Variants in CERT1 observed in about 807,000 individuals in gnomAD.
CERT1 encodes the protein ceramide transfer protein.
A neutral mutation model predicts 87.9 loss-of-function variants in CERT1; 31 were observed. That is an observed-to-expected ratio of 0.35 (90% confidence interval 0.27 to 0.48). The LOEUF is 0.48. CERT1 is among the 20% of genes least tolerant of loss of function. CERT1 has a pLI of 0.99. For missense variants in CERT1, 487 were observed against 758.0 expected, an observed-to-expected ratio of 0.64 and a Z score of 4.20; for synonymous variants, 289 against 250.9, an observed-to-expected ratio of 1.15 and a Z score of -1.44.
At chr5:75,492,671 A>G (rs1284483102) in intron 2 of CERT1, among the ~76,000 whole-genome samples, 1 of 152,174 alleles carries the variant, frequency 6.6e-6, no homozygotes, top group Non-Finnish European at 1.5e-5. Context: ...TTGAACTTTT[A>G]CATCGATTGT....
intron 11 of CERT1, among the ~76,000 whole-genome samples, chr5:75,398,112 T>C (rs2112073461): frequency 6.6e-6 from 1 of 152,328 alleles, no homozygotes; most frequent in South Asian, 2.1e-4. Context: ...TGATTTCTGA[T>C]CCAGAATTGC....
At chr5:75,484,444 C>A in intron 2 of CERT1, among the ~76,000 whole-genome samples, 1 of 148,624 alleles carries the variant, frequency 6.7e-6, no homozygotes, top group African/African-American at 2.5e-5. Flanking sequence ...AATCAAAAGA[C>A]AGAGTGACTG....
At chr5:75,474,012 C>G (rs111808593) in intron 2 of CERT1, among the ~76,000 whole-genome samples, 1 of 152,132 alleles carries the variant, frequency 6.6e-6, no homozygotes, top group African/African-American at 2.4e-5. Context: ...GGAAGTAAAA[C>G]CAAAGACAGG....
downstream of CERT1, chr5:75,374,144 TTTC>T (rs1761190030): frequency 2.5e-6 from 1 of 400,526 alleles, no homozygotes; most frequent in East Asian, 3.6e-5. Context: ...AGCTTTTTTT[TTTC>T]TTTTTTTCTC....
At chr5:75,407,632 CAT>C (rs1472562009) in intron 8 of CERT1, among the ~76,000 whole-genome samples, 2 of 151,990 alleles carry the variant, frequency 1.3e-5, no homozygotes, top group Non-Finnish European at 2.9e-5. Context: ...AGAATGAAAT[CAT>C]ATTCTTTGCA....
Position 75,410,763 on chromosome 5 carries a change from T to C in CERT1, c.930+248A>G, listed in dbSNP as rs190242211. 1.0e-3 allele frequency: 271 copies of C among 264,014 alleles called. 2 individuals carry two copies. The highest frequency in any genetic ancestry group is 1.6e-3 in the Non-Finnish European group (222 of 143,060). 16.4% of individuals were successfully genotyped at this position (264,014 alleles called of 1,614,324 possible). A position where few individuals can be genotyped will look rare whatever the true frequency, so the allele number is the denominator to read the frequency against. On this transcript the variant is annotated intron_variant, in intron 8 of 16. Transcript: ENST00000643780. ...ATCATCTTTACAGGGGAGATAAAAA[T>C]TTGTCCTATCAAGTGAACAGGCCTA...
intron 2 of CERT1, among the ~76,000 whole-genome samples, chr5:75,480,945 ATTC>A (rs1766212499): frequency 6.6e-6 from 1 of 152,134 alleles, no homozygotes; most frequent in African/African-American, 2.4e-5. Context: ...AGGCTGCCTG[ATTC>A]TATTTTCCTG....
upstream of CERT1, chr5:75,511,839 C>T (rs1174084612): frequency 1.3e-6 from 2 of 1,548,608 alleles, no homozygotes; most frequent in Non-Finnish European, 1.7e-6. Flanking sequence ...TGCAGCTGTG[C>T]TGCATTCTGG....
At chr5:75,374,407 T>C, downstream of CERT1, 1 of 564,480 alleles carries the variant, frequency 1.8e-6, no homozygotes, top group South Asian at 2.3e-5. Context: ...TATGGAATTT[T>C]TCAAAAGTTA....
chr5:75,438,234 A>G (rs189939152), intron 3 of CERT1, among the ~76,000 whole-genome samples: 66 of 152,342 alleles, frequency 4.3e-4, no homozygotes, highest in Middle Eastern at 6.8e-3. Flanking sequence ...ACCTTTAAAA[A>G]GTACTATAGG....
chr5:75,386,051 T>A lies in CERT1; in HGVS notation c.1285-17A>T. ...TCTGTATACCTAAAGAGAACATAAT[T>A]CCAAAACTGTTTGAAAATTAAAAAT... On this transcript the variant is annotated splice_polypyrimidine_tract_variant and intron_variant, in intron 12 of 16. Transcript: ENST00000643780. 1 of 1,451,388 alleles carries A rather than the reference T, an allele frequency of 6.9e-7. No individual in the cohort carries two copies. Among genetic ancestry groups the A allele is most frequent in the Non-Finnish European group, 9.1e-7 (1 of 1,098,534 alleles). The allele number at this position is 1,451,388 out of a possible 1,614,324, so 89.9% of individuals were successfully genotyped here. A position where few individuals can be genotyped will look rare whatever the true frequency, so the allele number is the denominator to read the frequency against.
intron 1 of CERT1, among the ~76,000 whole-genome samples, chr5:75,510,503 C>T (rs948595300): frequency 6.6e-6 from 1 of 152,144 alleles, no homozygotes; most frequent in South Asian, 2.1e-4. Flanking sequence ...CTCACATGTT[C>T]CAAGTTACTA....
intron 2 of CERT1, among the ~76,000 whole-genome samples, chr5:75,474,653 C>T (rs1220208853): frequency 6.6e-6 from 1 of 151,980 alleles, no homozygotes; most frequent in Non-Finnish European, 1.5e-5. Context: ...GTCTCTTTAA[C>T]AAATCGTGTT....
downstream of CERT1, chr5:75,376,731 G>A (rs954090674): frequency 6.6e-6 from 1 of 152,138 alleles, no homozygotes; most frequent in African/African-American, 2.4e-5. Context: ...AACTAAGACT[G>A]GAACCTATTT....
At chr5:75,404,012 G>T (rs1409326823) in intron 8 of CERT1, among the ~76,000 whole-genome samples, 2 of 152,154 alleles carry the variant, frequency 1.3e-5, no homozygotes, top group African/African-American at 4.8e-5. Flanking sequence ...AGACTAAAAG[G>T]TAGGCTTGGG....
At chr5:75,402,643 A>T (rs1762541588) in intron 9 of CERT1, 1 of 174,812 alleles carries the variant, frequency 5.7e-6, no homozygotes. Flanking sequence ...CTAAAAACAC[A>T]AAAAAATTTA....
chr5:75,496,753 A>G lies in CERT1; in HGVS notation c.231+9229T>C, dbSNP rs148216328. Among the ~76,000 whole-genome samples the G allele has an allele frequency of 1.1e-3, 163 of 152,342 alleles. 2 individuals carry two copies. Among genetic ancestry groups the G allele is most frequent in the African/African-American group, 3.8e-3 (156 of 41,582 alleles). ...TACTGCATGATTCCATGTATATAAT[A>G]TGCTGCAACAGTGGTTACCAGAGGT... On this transcript the variant is annotated intron_variant, in intron 2 of 16. Coordinates refer to ENST00000643780, the MANE Select transcript of CERT1 (RefSeq NM_001379029.1).
intron 2 of CERT1, among the ~76,000 whole-genome samples, chr5:75,476,005 T>A (rs900322962): frequency 6.6e-6 from 1 of 152,230 alleles, no homozygotes; most frequent in Admixed American, 6.5e-5. Flanking sequence ...ATGTCAGTTA[T>A]ATGCTTTAAA....
Position 75,378,135 on chromosome 5 carries a change from T to G in CERT1, c.*1211A>C, listed in dbSNP as rs1246101885. ...CACTTACTTTAAAAAGTTAAAGATTTTGGGCTGAGTGCAGTGGCTCACGCC... is the reference window on the plus strand; with the variant it reads ...CACTTACTTTAAAAAGTTAAAGATTGTGGGCTGAGTGCAGTGGCTCACGCC... On this transcript the variant is annotated 3_prime_UTR_variant, in exon 17 of 17. Coordinates refer to ENST00000643780, the MANE Select transcript of CERT1 (RefSeq NM_001379029.1). The G allele has an allele frequency of 6.6e-6, 1 of 152,196 alleles. No homozygotes were observed. Among genetic ancestry groups the G allele is most frequent in the African/African-American group, 2.4e-5 (1 of 41,438 alleles). The allele number at this position is 152,196 out of a possible 1,614,324, so 9.4% of individuals were successfully genotyped here.
Sources: allele counts gnomAD v4.1 joint callset (sites outside exome capture counted in the v4.1 genomes callset), GRCh38; gene constraint gnomAD v4.1.1; transcripts MANE v1.5; gene names NCBI Gene and HGNC (gene_info 2026-07-23, HGNC 2026-07-21).